KCNN2: variants seen among roughly 807,000 people sequenced by gnomAD.
KCNN2 encodes small conductance calcium-activated potassium channel protein 2.
A neutral mutation model predicts 55.5 loss-of-function variants in KCNN2; 24 were observed. The observed-to-expected ratio is 0.43, with a 90% CI of 0.31 to 0.61. The LOEUF (loss-of-function observed/expected upper bound fraction) is 0.61. KCNN2 is among the 20% of genes least tolerant of loss of function. KCNN2 has a pLI of 0.08. For missense variants in KCNN2, 754 were observed against 853.6 expected (o/e 0.88, Z 1.45); for synonymous variants, 431 against 336.1 (o/e 1.28, Z -3.09).
chr5:114,395,187 C>T (rs1281706639), intron 2 of KCNN2, among the ~76,000 whole-genome samples: 1 of 152,166 alleles, frequency 6.6e-6, no homozygotes, highest in African/African-American at 2.4e-5. Flanking sequence ...ACACAGGTTA[C>T]CTCTTTGTGG....
intron 2 of KCNN2, among the ~76,000 whole-genome samples, chr5:114,333,731 G>T (rs1384532008): frequency 6.6e-6 from 1 of 151,904 alleles, no homozygotes; most frequent in East Asian, 1.9e-4. Flanking sequence ...AAATTAAAGG[G>T]GTTAAGGAAA....
At chr5:114,303,191 A>T (rs911426185) in intron 2 of KCNN2, among the ~76,000 whole-genome samples, 10 of 152,200 alleles carry the variant, frequency 6.6e-5, no homozygotes, top group Non-Finnish European at 1.5e-4. Context: ...TACCATATTT[A>T]TTGCTTTCCT....
intron 2 of KCNN2, among the ~76,000 whole-genome samples, chr5:114,253,354 T>C (rs1383915731): frequency 6.6e-6 from 1 of 152,182 alleles, no homozygotes; most frequent in Non-Finnish European, 1.5e-5. Flanking sequence ...GACTGGAATT[T>C]AGCTTTCTAC....
intron 2 of KCNN2, among the ~76,000 whole-genome samples, chr5:114,236,486 G>A (rs927128989): frequency 9.9e-5 from 15 of 151,932 alleles, no homozygotes; most frequent in African/African-American, 2.9e-4. Flanking sequence ...AAAATAATGA[G>A]TACTCATGAA....
intron 2 of KCNN2, among the ~76,000 whole-genome samples, chr5:114,252,888 C>A (rs1754900251): frequency 6.6e-6 from 1 of 152,154 alleles, no homozygotes; most frequent in South Asian, 2.1e-4. Context: ...TCAATGCTGT[C>A]ATTTTTGCTA....
At chr5:114,152,965 T>C (rs540724723) in intron 1 of KCNN2, among the ~76,000 whole-genome samples, 2 of 152,230 alleles carry the variant, frequency 1.3e-5, no homozygotes, top group African/African-American at 4.8e-5. Context: ...GGTGTTGGCT[T>C]GAACAAGGCT....
chr5:114,261,837 A>G (rs1056291973), intron 2 of KCNN2, among the ~76,000 whole-genome samples: 1 of 152,120 alleles, frequency 6.6e-6, no homozygotes, highest in Non-Finnish European at 1.5e-5. Flanking sequence ...TTCAGTGAGG[A>G]CCCACTGGGC....
chr5:114,336,978 A>C (rs976189963), intron 2 of KCNN2, among the ~76,000 whole-genome samples: 2 of 152,176 alleles, frequency 1.3e-5, no homozygotes, highest in African/African-American at 2.4e-5. Flanking sequence ...ATAGGAAGCC[A>C]TGGAAAGATT....
At chr5:114,328,807 G>C (rs1756755648) in intron 2 of KCNN2, among the ~76,000 whole-genome samples, 1 of 152,178 alleles carries the variant, frequency 6.6e-6, no homozygotes. Context: ...ATGAGAACCA[G>C]GGGTCACTTT....
intron 1 of KCNN2, among the ~76,000 whole-genome samples, chr5:114,186,637 T>C (rs1416615863): frequency 6.6e-6 from 1 of 152,216 alleles, no homozygotes; most frequent in Non-Finnish European, 1.5e-5. Flanking sequence ...TAACTGTTAC[T>C]ATAAACTTTA....
chr5:114,262,613 T>C (rs1755130709), intron 2 of KCNN2, among the ~76,000 whole-genome samples: 1 of 152,224 alleles, frequency 6.6e-6, no homozygotes, highest in Admixed American at 6.5e-5. Flanking sequence ...TAGCAGTAAC[T>C]ACTTCATAGA....
chr5:114,217,343 CA>C (rs2112588497), intron 1 of KCNN2, among the ~76,000 whole-genome samples: 1 of 152,184 alleles, frequency 6.6e-6, no homozygotes, highest in South Asian at 2.1e-4. Context: ...CACCTAACTT[CA>C]AGACTTTAAA....
At position 114,233,122 on chromosome 5, in the gene KCNN2, G is replaced by A. The variant is rs527416131; in HGVS notation, c.-185+11557G>A. On this transcript the variant is annotated intron_variant, in intron 2 of 10. Coordinates refer to the KCNN2 transcript ENST00000512097. ...TTTTTAGTAGAGACGGGGTTTCACC[G>A]TTTTAGCCGGGATGGTCTCGATCTC... 1.3e-4 allele frequency among the ~76,000 whole-genome samples: 18 copies of A among 143,448 alleles called. No homozygotes were observed. The East Asian group carries it at 2.9e-3, about 23-fold the overall frequency. The allele number at this position is 143,448 out of a possible 152,430, so 94.1% of individuals were successfully genotyped here.
At chr5:114,156,878 G>GTAGACA (rs541403483) in intron 1 of KCNN2, among the ~76,000 whole-genome samples, 136 of 152,194 alleles carry the variant, frequency 8.9e-4, no homozygotes, top group Non-Finnish European at 1.6e-3. Context: ...GACTTTGCCA[G>GTAGACA]TAGACATAGC....
intron 2 of KCNN2, among the ~76,000 whole-genome samples, chr5:114,341,690 AT>A (rs1757018219): frequency 6.6e-6 from 1 of 152,162 alleles, no homozygotes; most frequent in Non-Finnish European, 1.5e-5. Flanking sequence ...TAAAAAAGAC[AT>A]TTCTATAAAA....
chr5:114,425,289 G>A (rs1399940139), intron 3 of KCNN2, among the ~76,000 whole-genome samples: 1 of 152,122 alleles, frequency 6.6e-6, no homozygotes, highest in Non-Finnish European at 1.5e-5. Context: ...ATTCAGCTAG[G>A]AGCTAATATA....
At chr5:114,263,682 T>C (rs1365555304) in intron 2 of KCNN2, among the ~76,000 whole-genome samples, 2 of 152,194 alleles carry the variant, frequency 1.3e-5, no homozygotes, top group Non-Finnish European at 2.9e-5. Flanking sequence ...AAATTTGGTC[T>C]TCAGTCTTTA....
intron 5 of KCNN2, among the ~76,000 whole-genome samples, chr5:114,477,101 T>C (rs1298924474): frequency 2.4e-5 from 2 of 82,420 alleles, no homozygotes; most frequent in Non-Finnish European, 6.9e-5. Context: ...TTACTACATA[T>C]TGTTAGAGAA....
intron 1 of KCNN2, among the ~76,000 whole-genome samples, chr5:114,096,586 C>T (rs991244704): frequency 1.3e-5 from 2 of 152,082 alleles, no homozygotes; most frequent in South Asian, 4.1e-4. Context: ...ATTTGAAGTT[C>T]TTACTCACCT....
Sources: gnomAD v4.1 joint callset for allele counts (sites outside exome capture counted in the v4.1 genomes callset) on GRCh38, gnomAD v4.1.1 for gene constraint, MANE v1.5 for transcripts, NCBI Gene and HGNC (gene_info 2026-07-23, HGNC 2026-07-21) for gene names.